Variants in CSGALNACT1 observed in about 807,000 individuals in gnomAD.
CSGALNACT1 encodes the protein chondroitin sulfate N-acetylgalactosaminyltransferase 1.
Under a neutral mutation model 51.0 loss-of-function variants are expected in CSGALNACT1, and 52 were observed. The ratio of observed to expected loss-of-function variants is 1.02; its 90% CI spans 0.82 to 1.29. The LOEUF (loss-of-function observed/expected upper bound fraction) is 1.29, where lower values mean the gene tolerates loss of function less well. Among genes scored for constraint, CSGALNACT1 ranks in the 50% most tolerant of loss-of-function variants. CSGALNACT1 has a pLI of 0.00. For synonymous variants in CSGALNACT1, 341 were observed against 254.4 expected, an observed-to-expected ratio of 1.34 and a Z score of -3.24; for missense variants, 935 against 679.2, an observed-to-expected ratio of 1.38 and a Z score of -4.19.
At chr8:19,704,674 A>G (rs1440079498) in intron 1 of CSGALNACT1, among the ~76,000 whole-genome samples, 1 of 152,186 alleles carries the variant, frequency 6.6e-6, no homozygotes, top group Non-Finnish European at 1.5e-5. Flanking sequence ...TTAAGTACCC[A>G]TAGACGGATG....
intron 3 of CSGALNACT1, among the ~76,000 whole-genome samples, chr8:19,527,680 C>T (rs533468859): frequency 6.6e-6 from 1 of 152,264 alleles, no homozygotes; most frequent in African/African-American, 2.4e-5. Flanking sequence ...AGCGACATTA[C>T]GCATGAGAAC....
chr8:19,588,370 C>G (rs1239253763), intron 3 of CSGALNACT1, among the ~76,000 whole-genome samples: 1 of 152,196 alleles, frequency 6.6e-6, no homozygotes, highest in Non-Finnish European at 1.5e-5. Flanking sequence ...AGTGAGAACT[C>G]ATTGCAAATA....
At chr8:19,555,358 G>A (rs998239045) in intron 3 of CSGALNACT1, among the ~76,000 whole-genome samples, 1 of 152,134 alleles carries the variant, frequency 6.6e-6, no homozygotes, top group South Asian at 2.1e-4. Context: ...AAGAGAACCA[G>A]GAATGTTTGT....
chr8:19,450,306 A>G, intron 5 of CSGALNACT1, among the ~76,000 whole-genome samples: 1 of 145,870 alleles, frequency 6.9e-6, no homozygotes, highest in Non-Finnish European at 1.5e-5. Flanking sequence ...GAGGAGGAGG[A>G]ATAGGAGGAG....
Position 19,454,457 on chromosome 8 carries a change from C to G in CSGALNACT1, c.851+3969G>C, listed in dbSNP as rs541038443. 1.1e-4 allele frequency among the ~76,000 whole-genome samples: 16 copies of G among 152,226 alleles called. No individual in the cohort carries two copies. In the East Asian group the frequency reaches 3.1e-3, roughly 29 times the overall value. On this transcript the variant is annotated intron_variant, in intron 5 of 9. Coordinates refer to ENST00000454498, the Ensembl canonical transcript of CSGALNACT1. ...AGGCCAAGGTGGTCAGATCACTTGA[C>G]GTCAGGAGTTTGAGACCAGCCTGAC...
At chr8:19,522,584 G>C (rs1164650978) in intron 3 of CSGALNACT1, among the ~76,000 whole-genome samples, 1 of 152,160 alleles carries the variant, frequency 6.6e-6, no homozygotes. Context: ...GGGGACAATA[G>C]ATTCCATAGT....
intron 1 of CSGALNACT1, among the ~76,000 whole-genome samples, chr8:19,653,561 A>G (rs2058010667): frequency 6.6e-6 from 1 of 152,174 alleles, no homozygotes; most frequent in Non-Finnish European, 1.5e-5. Flanking sequence ...TGGGAGGCCA[A>G]GAGGTATGGA....
chr8:19,604,928 A>AC (rs944253453), upstream of CSGALNACT1, among the ~76,000 whole-genome samples: 9 of 150,494 alleles, frequency 6.0e-5, no homozygotes, highest in African/African-American at 2.0e-4. Flanking sequence ...AAAAAAAAAA[A>AC]AAAAAAGTAA....
chr8:19,528,861 C>T (rs1280294765), intron 3 of CSGALNACT1, among the ~76,000 whole-genome samples: 1 of 152,144 alleles, frequency 6.6e-6, no homozygotes, highest in East Asian at 1.9e-4. Context: ...CCCCTAGATA[C>T]CCCAAACGCT....
rs57708862 is a variant in CSGALNACT1 at position 19,493,871 on chromosome 8, T to TACACAC, written c.634+11324_634+11329dup. Among the ~76,000 whole-genome samples the TACACAC allele has an allele frequency of 2.0e-3, 305 of 149,100 alleles. 4 individuals are homozygous for TACACAC. The highest frequency in any genetic ancestry group is 6.8e-3 in the African/African-American group (277 of 40,580). ...CAGTATATATACGTATGTGTGTTTA[T>TACACAC]ACACACACACACACACACACACACA... On this transcript the variant is annotated intron_variant, in intron 4 of 9. Coordinates refer to ENST00000454498, the Ensembl canonical transcript of CSGALNACT1.
At chr8:19,682,431 A>C (rs1342373289) in intron 1 of CSGALNACT1, 2 of 299,498 alleles carry the variant, frequency 6.7e-6, no homozygotes, top group Admixed American at 4.2e-5. Flanking sequence ...AAGTTGCAGC[A>C]AATTTCACAC....
rs140481801 is a variant in CSGALNACT1, at chr8:19,484,391, G to A, written c.634+20810C>T. Among the ~76,000 whole-genome samples the A allele has an allele frequency of 7.1e-3, 1,076 of 152,232 alleles. 16 individuals are homozygous for A. Among genetic ancestry groups the A allele is most frequent in the African/African-American group, 0.024 (983 of 41,544 alleles). On this transcript the variant is annotated intron_variant, in intron 4 of 9. Coordinates refer to ENST00000454498, the Ensembl canonical transcript of CSGALNACT1. Reference sequence around the variant, plus strand: ...CTGGGGGTCTTGGAACATACAACTCGAGGATAAGGGTAGACTACAGTAAGA... The same window carrying A: ...CTGGGGGTCTTGGAACATACAACTCAAGGATAAGGGTAGACTACAGTAAGA...
At chr8:19,515,718 T>A (rs2079392183) in intron 3 of CSGALNACT1, among the ~76,000 whole-genome samples, 1 of 142,228 alleles carries the variant, frequency 7.0e-6, no homozygotes, top group African/African-American at 2.9e-5. Flanking sequence ...CAAGTCCTAT[T>A]TTTTTTTTAT....
At chr8:19,590,329 G>C (rs1230066737) in intron 3 of CSGALNACT1, among the ~76,000 whole-genome samples, 3 of 152,220 alleles carry the variant, frequency 2.0e-5, no homozygotes, top group Non-Finnish European at 2.9e-5. Context: ...CGTAGTAATA[G>C]TAGACATCTA....
intron 4 of CSGALNACT1, among the ~76,000 whole-genome samples, chr8:19,476,438 C>T (rs1348747559): frequency 2.6e-5 from 4 of 152,240 alleles, no homozygotes; most frequent in South Asian, 2.1e-4. Context: ...GATGGGGTTT[C>T]GCCATGTTGG....
At chr8:19,647,623 C>G (rs138316001) in intron 1 of CSGALNACT1, among the ~76,000 whole-genome samples, 4 of 152,016 alleles carry the variant, frequency 2.6e-5, no homozygotes, top group Admixed American at 1.3e-4. Flanking sequence ...TTCAACAGAG[C>G]GGTGTATTAG....
chr8:19,724,365 CT>C (rs2154241493), intron 1 of CSGALNACT1, among the ~76,000 whole-genome samples: 1 of 152,288 alleles, frequency 6.6e-6, no homozygotes, highest in African/African-American at 2.4e-5. Flanking sequence ...ATTTCCATGC[CT>C]TTTCCAGAGG....
At chr8:19,601,924 T>G in intron 1 of CSGALNACT1, 59 bp from the exon 2 acceptor site, 1 of 451,472 alleles carries the variant, frequency 2.2e-6, no homozygotes, top group Non-Finnish European at 4.4e-6. Context: ...TAAATGTATG[T>G]GGTATTACAA....
chr8:19,737,741 T>G (rs1201901626), intron 1 of CSGALNACT1, among the ~76,000 whole-genome samples: 1 of 152,222 alleles, frequency 6.6e-6, no homozygotes, highest in African/African-American at 2.4e-5. Context: ...AAGACTGAGA[T>G]CATCACATAG....
Sources: gnomAD v4.1 joint callset for allele counts (sites outside exome capture counted in the v4.1 genomes callset) on GRCh38, gnomAD v4.1.1 for gene constraint, MANE v1.5 for transcripts, NCBI Gene and HGNC (gene_info 2026-07-23, HGNC 2026-07-21) for gene names.